The following AKAP6 variants were observed in gnomAD, a reference collection of about 807,000 sequenced individuals.
AKAP6 encodes A-kinase anchoring protein 6.
A neutral mutation model predicts 188.5 loss-of-function variants in AKAP6; 58 were observed. That is an observed-to-expected ratio of 0.31 (90% CI 0.25 to 0.38). The LOEUF (loss-of-function observed/expected upper bound fraction) is 0.38. Among genes scored for constraint, AKAP6 ranks in the 10% least tolerant of loss-of-function variants. The pLI, the probability that AKAP6 is intolerant of heterozygous loss-of-function variation, is 1.00. For synonymous variants in AKAP6, 989 were observed against 998.6 expected (o/e 0.99, Z 0.18); for missense variants, 2,710 against 2,740.0 (o/e 0.99, Z 0.24).
rs950773156 is a variant in AKAP6, at chr14:32,657,763, A to G, written c.2731-20548A>G. ...TCATGTCTTGGGATAAAAGAATACA[A>G]TGATCTGCTACATGGATACCATTTC... On this transcript the variant is annotated intron_variant, in intron 7 of 13. Coordinates refer to ENST00000280979, the MANE Select transcript of AKAP6 (RefSeq NM_004274.5). 4.6e-5 allele frequency among the ~76,000 whole-genome samples: 7 copies of G among 152,062 alleles called. No individual in the cohort carries two copies. In the East Asian group the frequency reaches 5.8e-4, roughly 13 times the overall value.
chr14:32,819,228 C>T (rs190709402), intron 12 of AKAP6, among the ~76,000 whole-genome samples: 1 of 152,138 alleles, frequency 6.6e-6, no homozygotes, highest in African/African-American at 2.4e-5. Flanking sequence ...TAGCTTGTAA[C>T]TGGACTCTTA....
chr14:32,730,561 AG>A (rs377633643), intron 9 of AKAP6, among the ~76,000 whole-genome samples: 3 of 152,066 alleles, frequency 2.0e-5, no homozygotes, highest in African/African-American at 4.8e-5. Flanking sequence ...TGGGGTGAAG[AG>A]GGGGGGATGA....
intron 2 of AKAP6, among the ~76,000 whole-genome samples, chr14:32,529,046 G>A (rs1226811068): frequency 6.6e-6 from 1 of 152,110 alleles, no homozygotes; most frequent in Non-Finnish European, 1.5e-5. Context: ...ACTGAGTTGA[G>A]GCTGTACATC....
At position 32,735,665 on chromosome 14, in the gene AKAP6, T is replaced by G; in HGVS notation, c.3155T>G (p.Leu1052Arg). The change falls in exon 11 of 14, where the codon CTA becomes CGA. Residue 1052 changes from leucine to arginine, a missense_variant. Leu to Arg is a moderately radical substitution (Grantham distance 102). Coordinates refer to ENST00000280979, the MANE Select transcript of AKAP6 (RefSeq NM_004274.5). ...NEKWELLGKT[L>R]GEKIQDTMAG... ...TTTAATCTGATGCATTAGAAAACCC[T>G]AGGAGAGAAGATCCAGGACACAATG... The G allele has an allele frequency of 6.3e-7, 1 of 1,589,494 alleles. No individual in the cohort carries two copies. Among genetic ancestry groups the G allele is most frequent in the Admixed American group, 1.9e-5 (1 of 53,470 alleles).
At chr14:32,792,844 G>C (rs1012585088) in intron 12 of AKAP6, among the ~76,000 whole-genome samples, 4 of 151,930 alleles carry the variant, frequency 2.6e-5, no homozygotes, top group Admixed American at 6.6e-5. Flanking sequence ...GAATTTTATC[G>C]AAGGCCTTTT....
chr14:32,478,682 A>C (rs1034670093), intron 2 of AKAP6, among the ~76,000 whole-genome samples: 1 of 152,202 alleles, frequency 6.6e-6, no homozygotes. Context: ...TTTTATAGAG[A>C]GCTCCTAGAA....
chr14:32,419,873 A>G (rs1486993468), intron 1 of AKAP6, among the ~76,000 whole-genome samples: 1 of 152,046 alleles, frequency 6.6e-6, no homozygotes, highest in Non-Finnish European at 1.5e-5. Flanking sequence ...GTCTTATGAC[A>G]TTCTCTACAA....
At chr14:32,711,211 AC>A (rs1442561869) in intron 9 of AKAP6, among the ~76,000 whole-genome samples, 2 of 151,674 alleles carry the variant, frequency 1.3e-5, no homozygotes, top group African/African-American at 4.8e-5. Context: ...AACAACCCAA[AC>A]TCTGTTTTGC....
chr14:32,660,456 A>G lies in AKAP6; in HGVS notation c.2731-17855A>G, dbSNP rs1888639998. ...GGGTTGTTCCTAATTGTGGGCAATC[A>G]CTCAAAAAGCCTGGAAAGAAACTTC... On this transcript the variant is annotated intron_variant, in intron 7 of 13. Coordinates refer to ENST00000280979, the MANE Select transcript of AKAP6 (RefSeq NM_004274.5). Among the ~76,000 whole-genome samples, 4 of 152,190 alleles carry G rather than the reference A, an allele frequency of 2.6e-5. 1 individual carries two copies. The South Asian group carries it at 8.3e-4, about 32-fold the overall frequency.
At chr14:32,664,736 ATCT>A (rs1888847257) in intron 7 of AKAP6, among the ~76,000 whole-genome samples, 1 of 151,902 alleles carries the variant, frequency 6.6e-6, no homozygotes, top group South Asian at 2.1e-4. Context: ...AAGCTCTGTG[ATCT>A]TCTCTGACTG....
At chr14:32,774,314 G>A (rs1271960006) in intron 12 of AKAP6, among the ~76,000 whole-genome samples, 2 of 152,200 alleles carry the variant, frequency 1.3e-5, no homozygotes, top group Non-Finnish European at 2.9e-5. Flanking sequence ...GGAGTAATGT[G>A]TATGCTCTGC....
intron 12 of AKAP6, among the ~76,000 whole-genome samples, chr14:32,776,512 G>A (rs1316580410): frequency 1.3e-5 from 2 of 152,130 alleles, no homozygotes; most frequent in African/African-American, 4.8e-5. Context: ...TCTTGGGTAT[G>A]TCTTTATCAG....
intron 5 of AKAP6, among the ~76,000 whole-genome samples, chr14:32,590,504 A>G (rs1885445158): frequency 6.6e-6 from 1 of 152,172 alleles, no homozygotes; most frequent in East Asian, 1.9e-4. Flanking sequence ...GAATGAATGA[A>G]CATTTATAAA....
intron 7 of AKAP6, among the ~76,000 whole-genome samples, chr14:32,672,301 CAGATG>C (rs1403586249): frequency 6.6e-6 from 1 of 152,196 alleles, no homozygotes; most frequent in East Asian, 1.9e-4. Flanking sequence ...TATTAAATCT[CAGATG>C]AGAAGGCAGC....
intron 2 of AKAP6, among the ~76,000 whole-genome samples, chr14:32,497,295 TA>T (rs1195233413): frequency 5.1e-4 from 78 of 152,284 alleles, no homozygotes; most frequent in East Asian, 9.6e-4. Flanking sequence ...GTCCTGCTTT[TA>T]GTGAGAATCT....
At chr14:32,808,330 A>G (rs2034140973) in intron 12 of AKAP6, among the ~76,000 whole-genome samples, 1 of 152,302 alleles carries the variant, frequency 6.6e-6, no homozygotes, top group Admixed American at 6.5e-5. Flanking sequence ...ATGAGATGCT[A>G]TTTCCTGATG....
chr14:32,525,272 C>G (rs1882062814), intron 2 of AKAP6, among the ~76,000 whole-genome samples: 1 of 152,152 alleles, frequency 6.6e-6, no homozygotes, highest in South Asian at 2.1e-4. Flanking sequence ...TATTCCTGGT[C>G]AAATAAGTCA....
chr14:32,753,174 AG>A (rs992477921), intron 11 of AKAP6, among the ~76,000 whole-genome samples: 2 of 152,138 alleles, frequency 1.3e-5, no homozygotes, highest in African/African-American at 4.8e-5. Context: ...ACAGTGTACA[AG>A]GGTTCCCTTT....
chr14:32,816,626 T>C (rs2034385502), intron 12 of AKAP6, among the ~76,000 whole-genome samples: 1 of 152,164 alleles, frequency 6.6e-6, no homozygotes, highest in Non-Finnish European at 1.5e-5. Context: ...GTATAGAATG[T>C]TGGCATTTCC....
Sources: allele counts gnomAD v4.1 joint callset (sites outside exome capture counted in the v4.1 genomes callset), GRCh38; gene constraint gnomAD v4.1.1; transcripts MANE v1.5; gene names NCBI Gene and HGNC (gene_info 2026-07-23, HGNC 2026-07-21).